Variants in SERPINB7 observed in about 807,000 individuals in gnomAD.
SERPINB7 encodes serpin B7.
In SERPINB7, 31 loss-of-function variants were observed where a neutral mutation model predicts 37.4. That is an observed-to-expected ratio of 0.83 (90% CI 0.62 to 1.12). The LOEUF is 1.12. SERPINB7 is among the 50% of genes most tolerant of loss of function. SERPINB7 has a pLI of 0.00. For synonymous variants in SERPINB7, 163 were observed against 166.1 expected (o/e 0.98, Z 0.14); for missense variants, 521 against 455.3 (o/e 1.14, Z -1.31).
chr18:63,786,456 T>C (rs772807159), intron 2 of SERPINB7, among the ~76,000 whole-genome samples: 2 of 151,890 alleles, frequency 1.3e-5, no homozygotes, highest in Non-Finnish European at 2.9e-5. Flanking sequence ...TTAAAAGTTG[T>C]ACAAATTTGT....
At chr18:63,789,586 A>T (rs1447054190) in intron 2 of SERPINB7, among the ~76,000 whole-genome samples, 5 of 152,154 alleles carry the variant, frequency 3.3e-5, no homozygotes, top group Non-Finnish European at 7.4e-5. Context: ...TGACTAAAAA[A>T]CTGAGGGAGG....
At chr18:63,772,133 G>C (rs1350460887), upstream of SERPINB7, among the ~76,000 whole-genome samples, 1 of 151,946 alleles carries the variant, frequency 6.6e-6, no homozygotes, top group Non-Finnish European at 1.5e-5. Context: ...CTTCTTATTT[G>C]AGAAAGACAC....
chr18:63,786,428 T>C (rs1303998134), intron 2 of SERPINB7, among the ~76,000 whole-genome samples: 4 of 151,788 alleles, frequency 2.6e-5, no homozygotes, highest in African/African-American at 9.7e-5. Context: ...TAAAGTTATG[T>C]TTGGATTACA....
In SERPINB7 at chr18:63,804,420, A is replaced by T; in HGVS notation, c.928A>T (p.Ile310Phe). The change falls in exon 8 of 8, where the codon ATT (isoleucine) becomes TTT (phenylalanine). Residue 310 changes from isoleucine (I) to phenylalanine (F), a missense_variant. Physicochemically the swap from Ile to Phe is conservative, Grantham distance 21. Transcript: ENST00000398019. ...FDESKADLSG[I>F]ASGGRLYISR... ...TGAATCCAAAGCAGATCTCTCTGGG[A>T]TTGCTTCGGGGGGTCGTCTGTATAT... 1 of 1,613,724 alleles carries T rather than the reference A, an allele frequency of 6.2e-7. No individual in the cohort carries two copies. The highest frequency in any genetic ancestry group is 8.5e-7 in the Non-Finnish European group (1 of 1,179,824).
At chr18:63,776,784 C>T (rs1381956692) in intron 1 of SERPINB7, among the ~76,000 whole-genome samples, 2 of 151,768 alleles carry the variant, frequency 1.3e-5, no homozygotes, top group African/African-American at 2.4e-5. Flanking sequence ...CTATGATATA[C>T]TTTTCACAAT....
chr18:63,759,158 T>C (rs1313569467), intron 1 of SERPINB7, among the ~76,000 whole-genome samples: 1 of 152,206 alleles, frequency 6.6e-6, no homozygotes, highest in African/African-American at 2.4e-5. Flanking sequence ...TCCTATCTTA[T>C]ATTTTAATGC....
At chr18:63,782,606 C>A in intron 2 of SERPINB7, 66 bp downstream of exon 2, 1 of 1,453,506 alleles carries the variant, frequency 6.9e-7, no homozygotes. Flanking sequence ...CATTTCGTTG[C>A]AATGGTCCCC....
intron 1 of SERPINB7, among the ~76,000 whole-genome samples, chr18:63,759,146 T>C (rs551521976): frequency 6.6e-6 from 1 of 152,338 alleles, no homozygotes; most frequent in East Asian, 1.9e-4. Flanking sequence ...TGATGTATCC[T>C]ATCCTATCTT....
chr18:63,791,789 T>A (rs1465754667), intron 2 of SERPINB7, among the ~76,000 whole-genome samples: 1 of 152,022 alleles, frequency 6.6e-6, no homozygotes, highest in Non-Finnish European at 1.5e-5. Flanking sequence ...TTTTTGTATT[T>A]TTAGTAGAGA....
chr18:63,758,764 C>A (rs1270186211), intron 1 of SERPINB7, among the ~76,000 whole-genome samples: 1 of 152,194 alleles, frequency 6.6e-6, no homozygotes, highest in Non-Finnish European at 1.5e-5. Context: ...CCCTCTACCC[C>A]CTCACCAAGA....
At chr18:63,789,280 T>G (rs2049402932) in intron 2 of SERPINB7, among the ~76,000 whole-genome samples, 1 of 152,172 alleles carries the variant, frequency 6.6e-6, no homozygotes, top group African/African-American at 2.4e-5. Flanking sequence ...TGGCCACTGC[T>G]CATCTCTCTC....
chr18:63,781,767 T>C (rs2049302884), intron 1 of SERPINB7, among the ~76,000 whole-genome samples: 1 of 152,202 alleles, frequency 6.6e-6, no homozygotes, highest in African/African-American at 2.4e-5. Context: ...AATCACACTT[T>C]GCATTCCAAA....
At chr18:63,760,528 C>G (rs2049147550) in intron 1 of SERPINB7, among the ~76,000 whole-genome samples, 1 of 152,166 alleles carries the variant, frequency 6.6e-6, no homozygotes, top group Non-Finnish European at 1.5e-5. Flanking sequence ...ATGTTAATCC[C>G]CAAGATCATA....
In SERPINB7 at chr18:63,798,759, TC is replaced by T; in HGVS notation, c.597+14del. On this transcript the variant is annotated intron_variant, in intron 6 of 7. Transcript: ENST00000398019. Reference sequence around the variant, plus strand: ...CAAATCTCCCAAGGTATGTCGTCAATCTCCTATTTAATTTAGAACTTTTCCA... The same window carrying T: ...CAAATCTCCCAAGGTATGTCGTCAATTCCTATTTAATTTAGAACTTTTCCA... 7 of 1,611,074 alleles carry T rather than the reference TC, an allele frequency of 4.3e-6. No individual in the cohort carries two copies. Among genetic ancestry groups the T allele is most frequent in the Non-Finnish European group, 5.9e-6 (7 of 1,178,856 alleles).
intron 7 of SERPINB7, among the ~76,000 whole-genome samples, chr18:63,802,571 A>G (rs2049561347): frequency 6.6e-6 from 1 of 152,204 alleles, no homozygotes. Flanking sequence ...ATAGATACAT[A>G]TGTATAGATA....
At chr18:63,795,829 AG>A (rs1225837148) in intron 4 of SERPINB7, among the ~76,000 whole-genome samples, 1 of 152,168 alleles carries the variant, frequency 6.6e-6, no homozygotes, top group African/African-American at 2.4e-5. Flanking sequence ...TGACGTAAGC[AG>A]GGTGGGGATC....
chr18:63,801,535 A>G (rs1320438723), intron 7 of SERPINB7, among the ~76,000 whole-genome samples: 1 of 152,210 alleles, frequency 6.6e-6, no homozygotes, highest in African/African-American at 2.4e-5. Flanking sequence ...ACCATGCCAC[A>G]TGGGAGATGA....
At chr18:63,762,453 T>G (rs553771427) in intron 1 of SERPINB7, among the ~76,000 whole-genome samples, 3 of 152,312 alleles carry the variant, frequency 2.0e-5, no homozygotes, top group Non-Finnish European at 4.4e-5. Flanking sequence ...ATTTACAGAT[T>G]ACGTGCATTG....
Position 63,804,444 on chromosome 18 carries a change from A to G in SERPINB7, c.952A>G (p.Ile318Val), listed in dbSNP as rs758874686. The part of the protein sequence containing the change: ...SGIASGGRLY[I>V]SRMMHKSYIE... ...GATTGCTTCGGGGGGTCGTCTGTATATATCAAGGATGATGCACAAATCTTA... is the reference window on the plus strand; with the variant it reads ...GATTGCTTCGGGGGGTCGTCTGTATGTATCAAGGATGATGCACAAATCTTA... Residue 318 changes from isoleucine to valine, a missense_variant, in exon 8 of 8, where the codon ATA becomes GTA. Transcript: ENST00000398019. 1.2e-5 allele frequency: 19 copies of G among 1,613,674 alleles called. No homozygotes were observed. Among genetic ancestry groups the G allele is most frequent in the Non-Finnish European group, 1.4e-5 (17 of 1,179,860 alleles).
Sources: gnomAD v4.1 joint callset for allele counts (sites outside exome capture counted in the v4.1 genomes callset) on GRCh38, gnomAD v4.1.1 for gene constraint, MANE v1.5 for transcripts, NCBI Gene and HGNC (gene_info 2026-07-23, HGNC 2026-07-21) for gene names.